Variants in CCDC175 observed in about 807,000 individuals in gnomAD.
The protein encoded by CCDC175 is coiled-coil domain-containing protein 175.
CCDC175 carries 100 observed loss-of-function variants against 114.6 expected under a neutral mutation model. That is an observed-to-expected ratio of 0.87 (90% confidence interval 0.74 to 1.03). CCDC175 has a LOEUF of 1.03. Ranked by LOEUF, CCDC175 falls within the 50% of genes least tolerant of loss-of-function variation. The pLI is 0.00. For synonymous variants in CCDC175, 306 were observed against 308.7 expected, an observed-to-expected ratio of 0.99 and a Z score of 0.09; for missense variants, 880 against 917.8, an observed-to-expected ratio of 0.96 and a Z score of 0.53.
rs1163428768 is a variant in CCDC175, at chr14:59,574,919, T to C, written c.243+24A>G. 3 of 1,214,408 alleles carry C rather than the reference T, an allele frequency of 2.5e-6. No homozygotes were observed. The Admixed American group carries it at 7.4e-5, about 30-fold the overall frequency. 75.2% of individuals were successfully genotyped at this position (1,214,408 alleles called of 1,614,324 possible). A position where few individuals can be genotyped will look rare whatever the true frequency, so the allele number is the denominator to read the frequency against. On this transcript the variant is annotated intron_variant, in intron 2 of 19. Coordinates refer to ENST00000537690, the MANE Select transcript of CCDC175 (RefSeq NM_001164399.2). ...AGAAATATGTGGAAGATTGAAGAAATGGTTCTTATAGATAATACAATACCA... is the reference window on the plus strand; with the variant it reads ...AGAAATATGTGGAAGATTGAAGAAACGGTTCTTATAGATAATACAATACCA...
At chr14:59,576,522 T>G in intron 1 of CCDC175, 97 bp downstream of exon 1, 1 of 1,179,602 alleles carries the variant, frequency 8.5e-7, no homozygotes, top group Non-Finnish European at 1.1e-6. Flanking sequence ...GATGCCCTGG[T>G]TCCGGGAGGA....
chr14:59,525,192 A>T, intron 16 of CCDC175, 90 bp downstream of exon 16: 2 of 1,023,608 alleles, frequency 2.0e-6, no homozygotes, highest in Non-Finnish European at 2.6e-6. Flanking sequence ...ACATTTTTCA[A>T]GAGCTATTCT....
chr14:59,522,161 C>T (rs72712754), intron 16 of CCDC175, among the ~76,000 whole-genome samples: 2,119 of 152,260 alleles, frequency 0.014, 31 homozygotes, highest in African/African-American at 0.041. Context: ...TGACAGGTGA[C>T]TTTGAGTATT....
In CCDC175 at chr14:59,521,668, T is replaced by C; in HGVS notation, c.2004A>G (p.Leu668=). Residue 668 remains leucine (L), a synonymous_variant, in exon 17 of 20, where the codon TTA becomes TTG. Transcript: ENST00000537690. ...ATTTCTCTATGTTATTCTTCAAGTA[T>C]AAAATATACTGAAAATTAAAAGCAT... ...LENKKLKEYI[L]YLKNNIEKYR... 6.7e-7 allele frequency: 1 copy of C among 1,494,740 alleles called. No homozygotes were observed. Among genetic ancestry groups the C allele is most frequent in the Non-Finnish European group, 9.0e-7 (1 of 1,108,486 alleles). 92.6% of individuals were successfully genotyped at this position (1,494,740 alleles called of 1,614,324 possible). A position where few individuals can be genotyped will look rare whatever the true frequency, so the allele number is the denominator to read the frequency against.
At chr14:59,571,652 C>G (rs1272866641) in intron 3 of CCDC175, among the ~76,000 whole-genome samples, 1 of 152,148 alleles carries the variant, frequency 6.6e-6, no homozygotes, top group Non-Finnish European at 1.5e-5. Flanking sequence ...TGTAGAGATA[C>G]TGGAACCCTT....
intron 17 of CCDC175, among the ~76,000 whole-genome samples, chr14:59,517,673 A>T (rs1227604391): frequency 5.9e-5 from 9 of 152,220 alleles, no homozygotes; most frequent in Non-Finnish European, 1.3e-4. Context: ...ATAAAAGAGG[A>T]TACAAACAAA....
chr14:59,558,283 T>C (rs1033945095), intron 7 of CCDC175, among the ~76,000 whole-genome samples: 1 of 152,092 alleles, frequency 6.6e-6, no homozygotes, highest in South Asian at 2.1e-4. Flanking sequence ...CAGGGGAAGA[T>C]TATTTAAGCA....
Position 59,531,865 on chromosome 14 carries a change from C to T in CCDC175, c.1669G>A (p.Glu557Lys). 7.6e-7 allele frequency: 1 copy of T among 1,319,570 alleles called. No individual in the cohort carries two copies. Among genetic ancestry groups the T allele is most frequent in the South Asian group, 1.3e-5 (1 of 76,304 alleles). 81.7% of individuals were successfully genotyped at this position (1,319,570 alleles called of 1,614,324 possible). A position where few individuals can be genotyped will look rare whatever the true frequency, so the allele number is the denominator to read the frequency against. ...AGTTGTGGAAGATACTCAACTAGTT[C>T]TTCTTCCTTTTCTTTGTTAATTTGT... Reference protein sequence around the residue: ...ETQINKEKEEELVEYLPQLQV... With the variant: ...ETQINKEKEEKLVEYLPQLQV... The change falls in exon 14 of 20, where the codon GAA becomes AAA. Residue 557 changes from glutamate to lysine, a missense_variant. Glu to Lys is a moderately conservative substitution (Grantham distance 56). Coordinates refer to ENST00000537690, the MANE Select transcript of CCDC175 (RefSeq NM_001164399.2).
intron 17 of CCDC175, among the ~76,000 whole-genome samples, chr14:59,513,736 G>C (rs1163146804): frequency 6.6e-6 from 1 of 152,176 alleles, no homozygotes; most frequent in Non-Finnish European, 1.5e-5. Flanking sequence ...CTCCACCTCT[G>C]GGGGCAGGGC....
At chr14:59,537,618 A>C (rs1220960561) in intron 13 of CCDC175, among the ~76,000 whole-genome samples, 1 of 152,012 alleles carries the variant, frequency 6.6e-6, no homozygotes, top group African/African-American at 2.4e-5. Flanking sequence ...CCCAGCATCC[A>C]TGCCCTGTTC....
chr14:59,535,479 G>A (rs948430325), intron 13 of CCDC175, among the ~76,000 whole-genome samples: 4 of 152,120 alleles, frequency 2.6e-5, no homozygotes, highest in African/African-American at 7.2e-5. Flanking sequence ...TTACCAGTAG[G>A]CATGATGGTA....
rs370269871 is a variant in CCDC175 at position 59,549,719 on chromosome 14, C to CAAAAAAAAAAAAAA, written c.1035+1635_1035+1636insTTTTTTTTTTTTTT. Among the ~76,000 whole-genome samples the CAAAAAAAAAAAAAA allele has an allele frequency of 9.9e-4, 89 of 89,584 alleles. 3 individuals are homozygous for CAAAAAAAAAAAAAA. Among genetic ancestry groups the CAAAAAAAAAAAAAA allele is most frequent in the African/African-American group, 3.6e-3 (84 of 23,406 alleles). The allele number at this position is 89,584 out of a possible 152,430, so 58.8% of individuals were successfully genotyped here. On this transcript the variant is annotated intron_variant, in intron 8 of 19. Transcript: ENST00000537690. The stretch of plus-strand genomic sequence containing the variant: ...TGGGTGATAGAGTGAGACTATGTCT[C>CAAAAAAAAAAAAAA]AAAAAAAAAAAGAAAAAGAAAAAGA...
chr14:59,534,554 C>A (rs889375781), intron 13 of CCDC175, among the ~76,000 whole-genome samples: 7 of 152,210 alleles, frequency 4.6e-5, no homozygotes, highest in African/African-American at 1.7e-4. Flanking sequence ...GACTGTGTAA[C>A]TAGATATCAC....
chr14:59,557,339 C>G lies in CCDC175; in HGVS notation c.953+3780G>C, dbSNP rs1159475867. ...TAGGGACATGGATGAAGCTGGAAAC[C>G]ATCATTCTCAGCAAACTATCGCAAG... On this transcript the variant is annotated intron_variant, in intron 7 of 19. Transcript: ENST00000537690. 2.6e-5 allele frequency among the ~76,000 whole-genome samples: 4 copies of G among 151,630 alleles called. No individual in the cohort carries two copies. In the East Asian group the frequency reaches 7.8e-4, roughly 29 times the overall value.
In CCDC175 at chr14:59,561,155, T is replaced by C; in HGVS notation, c.917A>G (p.Glu306Gly). 1 of 1,535,278 alleles carries C rather than the reference T, an allele frequency of 6.5e-7. No individual in the cohort carries two copies. The change falls in exon 7 of 20, where the codon GAG becomes GGG. Residue 306 changes from glutamate to glycine, a missense_variant. Physicochemically the swap from Glu to Gly is moderately conservative, Grantham distance 98 (BLOSUM62 -2). Transcript: ENST00000537690. ...CAGAATTGCAAGGTCTTTCTTTAGC[T>C]CACTGACCTCTTGTTCCCAATACCT... ...SIRYWEQEVS[E>G]LKKDLAILEA...
intron 14 of CCDC175, among the ~76,000 whole-genome samples, chr14:59,529,841 A>T (rs1204494336): frequency 6.6e-6 from 1 of 152,168 alleles, no homozygotes; most frequent in Non-Finnish European, 1.5e-5. Flanking sequence ...GAGCCCATGC[A>T]TGCCATTCTC....
chr14:59,544,660 C>CT (rs1430453289), intron 9 of CCDC175, among the ~76,000 whole-genome samples: 2 of 152,066 alleles, frequency 1.3e-5, no homozygotes, highest in East Asian at 1.9e-4. Flanking sequence ...ACAGGCATTG[C>CT]TTTTTTCATG....
chr14:59,574,360 A>G (rs1421859030), intron 2 of CCDC175, among the ~76,000 whole-genome samples: 1 of 152,206 alleles, frequency 6.6e-6, no homozygotes, highest in Non-Finnish European at 1.5e-5. Context: ...CCTTGGCCGA[A>G]CAGAGATGTC....
rs1893436469 is a variant in CCDC175, at chr14:59,521,688, A to G, written c.1996-12T>C. 7.9e-6 allele frequency: 11 copies of G among 1,400,084 alleles called. No homozygotes were observed. The highest frequency in any genetic ancestry group is 1.1e-5 in the Non-Finnish European group (11 of 1,023,256). The allele number at this position is 1,400,084 out of a possible 1,614,324, so 86.7% of individuals were successfully genotyped here. A position where few individuals can be genotyped will look rare whatever the true frequency, so the allele number is the denominator to read the frequency against. ...AAGTATAAAATATACTGAAAATTAA[A>G]AGCATGTGATTGCTTTTAGCAGTTT... On this transcript the variant is annotated splice_polypyrimidine_tract_variant and intron_variant, in intron 16 of 19. Transcript: ENST00000537690.
Sources: gnomAD v4.1 joint callset for allele counts (sites outside exome capture counted in the v4.1 genomes callset) on GRCh38, gnomAD v4.1.1 for gene constraint, MANE v1.5 for transcripts, NCBI Gene and HGNC (gene_info 2026-07-23, HGNC 2026-07-21) for gene names.